The following DMD variants were observed in gnomAD, a reference collection of about 807,000 sequenced individuals.
The protein encoded by DMD is dystrophin, also known as mutant dystrophin.
Under a neutral mutation model 330.1 loss-of-function variants are expected in DMD, and 63 were observed. The ratio of observed to expected loss-of-function variants is 0.19; its 90% CI spans 0.16 to 0.24. DMD has a LOEUF of 0.24. DMD is among the 10% of genes least tolerant of loss of function. The pLI is 1.00. For missense variants in DMD, 3,344 were observed against 2,684.1 expected (o/e 1.25, Z -5.43); for synonymous variants, 1,223 against 959.8 (o/e 1.27, Z -5.07).
At chrX:33,286,989 G>T (rs923904896) in intron 1 of DMD, among the ~76,000 whole-genome samples, 1 of 111,877 alleles carries the variant, frequency 8.9e-6, no homozygotes, top group Non-Finnish European at 1.9e-5. Flanking sequence ...AATGGAAGAC[G>T]TCTGGATCCT....
At chrX:32,228,412 CTAA>C (rs2097155995) in intron 43 of DMD, among the ~76,000 whole-genome samples, 2 of 111,164 alleles carry the variant, frequency 1.8e-5, no homozygotes, top group Admixed American at 1.9e-4. Context: ...TAGGATTATG[CTAA>C]TATTAACCTA....
At position 32,816,491 on chromosome X, in the gene DMD, C is replaced by T. The variant is rs1232235244; in HGVS notation, c.507G>A (p.Leu169=). The change falls in exon 6 of 79, where the codon TTG becomes TTA. Residue 169 remains leucine (L), a synonymous_variant. Transcript: ENST00000357033. ...ACCTATGACTATGGATGAGAGCATTCAAAGCCAGGCCATCAGACCAGCTGG... is the reference window on the plus strand; with the variant it reads ...ACCTATGACTATGGATGAGAGCATTTAAAGCCAGGCCATCAGACCAGCTGG... ...FTTSWSDGLA[L]NALIHSHRPD... 2 of 1,211,375 alleles carry T rather than the reference C, an allele frequency of 1.7e-6. No individual in the cohort carries two copies. Among genetic ancestry groups the T allele is most frequent in the African/African-American group, 3.5e-5 (2 of 57,681 alleles).
At chrX:31,253,336 A>ATT (rs2049596440) in intron 63 of DMD, among the ~76,000 whole-genome samples, 2 of 112,381 alleles carry the variant, frequency 1.8e-5, no homozygotes, top group Non-Finnish European at 3.8e-5. Context: ...TAGAAGCAAG[A>ATT]GCCAAGGAAA....
At chrX:33,141,334 C>A (rs2047787953) in intron 1 of DMD, among the ~76,000 whole-genome samples, 1 of 111,354 alleles carries the variant, frequency 9.0e-6, no homozygotes, top group Non-Finnish European at 1.9e-5. Context: ...CAGAGCTCAG[C>A]AAATTTTAGT....
At chrX:33,221,585 T>C (rs2052178734) in intron 1 of DMD, among the ~76,000 whole-genome samples, 1 of 111,047 alleles carries the variant, frequency 9.0e-6, no homozygotes, top group African/African-American at 3.3e-5. Context: ...AACAAAGAGC[T>C]ATTTTTTCAA....
chrX:31,136,371 G>C (rs1327297500), intron 76 of DMD, among the ~76,000 whole-genome samples: 1 of 111,437 alleles, frequency 9.0e-6, no homozygotes, highest in East Asian at 2.8e-4. Flanking sequence ...TTTTTCTTGC[G>C]GTTTTAAACT....
chrX:32,601,503 T>A (rs958177007), intron 12 of DMD, among the ~76,000 whole-genome samples: 1 of 111,670 alleles, frequency 9.0e-6, no homozygotes, highest in African/African-American at 3.2e-5. Context: ...TGCTTCTCAA[T>A]AGCCTGAAGG....
chrX:32,663,169 A>G (rs1235504146), intron 9 of DMD, among the ~76,000 whole-genome samples: 1 of 111,915 alleles, frequency 8.9e-6, no homozygotes, highest in Non-Finnish European at 1.9e-5. Context: ...TTGCCAATGC[A>G]TTCGATGCCA....
chrX:31,408,044 C>T (rs987574325), intron 60 of DMD, among the ~76,000 whole-genome samples: 3 of 112,164 alleles, frequency 2.7e-5, no homozygotes, highest in Non-Finnish European at 5.6e-5. Flanking sequence ...ATGATGATAG[C>T]GTAACCTGCA....
At chrX:32,915,485 C>A (rs780218206) in intron 2 of DMD, among the ~76,000 whole-genome samples, 3 of 111,599 alleles carry the variant, frequency 2.7e-5, no homozygotes, top group South Asian at 7.6e-4. Context: ...GTAGGTTTCC[C>A]TATTTTCAGA....
At chrX:31,377,545 C>G (rs936966735) in intron 60 of DMD, among the ~76,000 whole-genome samples, 4 of 112,187 alleles carry the variant, frequency 3.6e-5, no homozygotes, top group Non-Finnish European at 5.6e-5. Context: ...AGTTAACTAT[C>G]GAGAGTCAGC....
intron 59 of DMD, among the ~76,000 whole-genome samples, chrX:31,468,535 T>G (rs1441789934): frequency 8.9e-6 from 1 of 112,055 alleles, no homozygotes; most frequent in Non-Finnish European, 1.9e-5. Flanking sequence ...TGAGAGACTC[T>G]TATGATTTCT....
At chrX:32,490,093 T>G (rs1186270852) in intron 20 of DMD, among the ~76,000 whole-genome samples, 1 of 112,095 alleles carries the variant, frequency 8.9e-6, no homozygotes, top group Admixed American at 9.5e-5. Flanking sequence ...CTCATCACTT[T>G]TTGGGTCCAA....
chrX:32,562,335 C>T (rs1231970384), intron 16 of DMD, among the ~76,000 whole-genome samples: 1 of 112,724 alleles, frequency 8.9e-6, no homozygotes, highest in Non-Finnish European at 1.9e-5. Context: ...GAGCAGTCCT[C>T]CTAGCTGATT....
At chrX:32,307,031 T>C (rs2097542907) in intron 42 of DMD, among the ~76,000 whole-genome samples, 1 of 111,364 alleles carries the variant, frequency 9.0e-6, no homozygotes, top group Non-Finnish European at 1.9e-5. Flanking sequence ...AGAATTCCAC[T>C]CCAAAGGCAT....
intron 7 of DMD, among the ~76,000 whole-genome samples, chrX:32,730,119 G>A (rs192215438): frequency 2.9e-3 from 326 of 111,804 alleles, no homozygotes; most frequent in Non-Finnish European, 4.5e-3. Context: ...GATCGCTTGA[G>A]GCCAGGAGTT....
At chrX:31,299,884 T>TTA in intron 62 of DMD, among the ~76,000 whole-genome samples, 1 of 110,976 alleles carries the variant, frequency 9.0e-6, no homozygotes, top group East Asian at 2.8e-4. Flanking sequence ...GGTAAATACC[T>TTA]TGATATTAGA....
At chrX:31,988,107 G>A (rs2095522094) in intron 44 of DMD, among the ~76,000 whole-genome samples, 1 of 111,166 alleles carries the variant, frequency 9.0e-6, no homozygotes, top group South Asian at 3.8e-4. Context: ...TAATGTCCTC[G>A]GTTTAGGATA....
intron 7 of DMD, among the ~76,000 whole-genome samples, chrX:32,758,200 C>A (rs2071758453): frequency 8.9e-6 from 1 of 111,815 alleles, no homozygotes; most frequent in Admixed American, 9.5e-5. Context: ...TTCTGTCAGG[C>A]TTTGCTTTGG....
Sources: allele counts gnomAD v4.1 joint callset (sites outside exome capture counted in the v4.1 genomes callset), GRCh38; gene constraint gnomAD v4.1.1; transcripts MANE v1.5; gene names NCBI Gene and HGNC (gene_info 2026-07-23, HGNC 2026-07-21).